The following MAP2 variants were observed in gnomAD, a reference collection of about 807,000 sequenced individuals.
MAP2 encodes microtubule-associated protein 2.
MAP2 carries 14 observed loss-of-function variants against 137.6 expected under a neutral mutation model. The ratio of observed to expected loss-of-function variants is 0.10; its 90% CI spans 0.07 to 0.16. The LOEUF is 0.16. Among genes scored for constraint, MAP2 ranks in the 10% least tolerant of loss-of-function variants. The pLI, the probability that MAP2 is intolerant of heterozygous loss-of-function variation, is 1.00. For synonymous variants in MAP2, 786 were observed against 782.3 expected (o/e 1.00, Z -0.08); for missense variants, 2,088 against 2,191.5 (o/e 0.95, Z 0.94).
At chr2:209,543,278 G>A (rs1185379109) in intron 2 of MAP2, among the ~76,000 whole-genome samples, 1 of 152,196 alleles carries the variant, frequency 6.6e-6, no homozygotes, top group Non-Finnish European at 1.5e-5. Context: ...GGTGCAGTTT[G>A]TGGCATCCCA....
intron 1 of MAP2, among the ~76,000 whole-genome samples, chr2:209,505,614 A>G (rs1478751045): frequency 6.6e-6 from 1 of 152,102 alleles, no homozygotes; most frequent in Non-Finnish European, 1.5e-5. Context: ...CCACTTTAAT[A>G]GTTTTTGTGC....
At chr2:209,651,880 C>T (rs1438262335) in intron 4 of MAP2, among the ~76,000 whole-genome samples, 5 of 152,156 alleles carry the variant, frequency 3.3e-5, no homozygotes, top group Admixed American at 3.3e-4. Context: ...TGTTAGTAAT[C>T]TGATGGGAAA....
At chr2:209,717,869 T>C (rs1414751133) in intron 13 of MAP2, among the ~76,000 whole-genome samples, 1 of 152,180 alleles carries the variant, frequency 6.6e-6, no homozygotes, top group Non-Finnish European at 1.5e-5. Context: ...GTCTTCCCCT[T>C]ATTTAATTTT....
intron 2 of MAP2, among the ~76,000 whole-genome samples, chr2:209,519,615 CAAAG>C (rs1302121343): frequency 1.3e-5 from 2 of 151,934 alleles, no homozygotes; most frequent in Non-Finnish European, 2.9e-5. Flanking sequence ...TCTCAAAGAA[CAAAG>C]AAAGAAATTC....
At chr2:209,675,581 GC>G (rs2050980213) in intron 5 of MAP2, among the ~76,000 whole-genome samples, 1 of 151,666 alleles carries the variant, frequency 6.6e-6, no homozygotes, top group South Asian at 2.1e-4. Context: ...TGTTATTTGG[GC>G]TACACTTGTA....
rs376769791 is a variant in MAP2 at position 209,693,530 on chromosome 2, G to A, written c.1360G>A (p.Glu454Lys). The change falls in exon 8 of 16, where the codon GAA (glutamate) becomes AAA (lysine). Residue 454 changes from glutamate (E) to lysine (K), a missense_variant. Glu to Lys is a moderately conservative substitution (Grantham distance 56). Around this residue, in one of 6 missense-constraint regions of MAP2, gnomAD observed 859 missense variants for 794.5 expected, o/e 1.08. Coordinates refer to ENST00000682079, the MANE Select transcript of MAP2 (RefSeq NM_001375505.1). ...AGAAAAAACCACCATTTCTGACAAA[G>A]AAGCTGTGCCAAAAGAGAGTAAACC... is the stretch of plus-strand genomic sequence containing the variant. ...LEEKTTISDK[E>K]AVPKESKPPK... is the part of the protein sequence containing the mutation. 3.2e-5 allele frequency: 52 copies of A among 1,610,874 alleles called. No homozygotes were observed. Among genetic ancestry groups the A allele is most frequent in the Non-Finnish European group, 4.2e-5 (50 of 1,179,350 alleles).
At chr2:209,618,891 A>G (rs2090335053) in intron 3 of MAP2, among the ~76,000 whole-genome samples, 1 of 152,226 alleles carries the variant, frequency 6.6e-6, no homozygotes, top group Non-Finnish European at 1.5e-5. Flanking sequence ...GTGTCCATCA[A>G]CTGATGAATG....
At chr2:209,528,929 T>TATACATACATATGTACATATAC (rs2064646179) in intron 2 of MAP2, among the ~76,000 whole-genome samples, 1 of 151,626 alleles carries the variant, frequency 6.6e-6, no homozygotes, top group Non-Finnish European at 1.5e-5. Context: ...CATACATATA[T>TATACATACATATGTACATATAC]ATACATACAT....
intron 1 of MAP2, among the ~76,000 whole-genome samples, chr2:209,498,489 T>A (rs1396017896): frequency 6.6e-6 from 1 of 152,238 alleles, no homozygotes. Context: ...GGAGACCAGA[T>A]GTGAGGGTTC....
intron 1 of MAP2, among the ~76,000 whole-genome samples, chr2:209,433,443 C>A (rs1473945696): frequency 6.6e-6 from 1 of 152,070 alleles, no homozygotes; most frequent in African/African-American, 2.4e-5. Context: ...GTAGAGGATA[C>A]TGGGACACTT....
At chr2:209,438,365 T>G (rs1355687961) in intron 1 of MAP2, among the ~76,000 whole-genome samples, 1 of 151,684 alleles carries the variant, frequency 6.6e-6, no homozygotes, top group African/African-American at 2.4e-5. Context: ...GCAGGGTTAT[T>G]TTTTGCATTA....
At chr2:209,524,833 A>T (rs559351840) in intron 2 of MAP2, among the ~76,000 whole-genome samples, 1 of 152,086 alleles carries the variant, frequency 6.6e-6, no homozygotes, top group Non-Finnish European at 1.5e-5. Context: ...AAAAAAGTTA[A>T]TATCAATTTT....
At chr2:209,499,469 C>G (rs532183346) in intron 1 of MAP2, among the ~76,000 whole-genome samples, 20 of 152,302 alleles carry the variant, frequency 1.3e-4, no homozygotes, top group African/African-American at 4.8e-4. Context: ...CTCTTCCAAC[C>G]TCAGCTCATT....
intron 13 of MAP2, among the ~76,000 whole-genome samples, chr2:209,715,637 C>T (rs894584804): frequency 6.6e-5 from 10 of 152,088 alleles, no homozygotes; most frequent in East Asian, 1.9e-4. Context: ...AGGAAAGTCC[C>T]GAGAAGGTGA....
At position 209,696,095 on chromosome 2, in the gene MAP2, G is replaced by A. The variant is rs764541712; in HGVS notation, c.3925G>A (p.Val1309Met). ...TGAAGGGGAGTCAGGGTCCCACAGC[G>A]TGCGTTTTGCAGCCCTAGAGCAGCC... ...TDEGESGSHS[V>M]RFAALEQPEV... The change falls in exon 8 of 16, where the codon GTG (valine) becomes ATG (methionine). Residue 1309 changes from valine (V) to methionine (M), a missense_variant. This residue lies in a region of MAP2 where 591 missense variants were observed against 642.6 expected (regional missense o/e 0.92). Coordinates refer to ENST00000682079, the MANE Select transcript of MAP2 (RefSeq NM_001375505.1). 56 of 1,613,798 alleles carry A rather than the reference G, an allele frequency of 3.5e-5. No individual in the cohort carries two copies. The highest frequency in any genetic ancestry group is 2.9e-4 in the South Asian group (26 of 91,054).
intron 2 of MAP2, among the ~76,000 whole-genome samples, chr2:209,522,915 ACT>A (rs2063487549): frequency 6.6e-6 from 1 of 152,074 alleles, no homozygotes; most frequent in Non-Finnish European, 1.5e-5. Flanking sequence ...TGTAGTTGTG[ACT>A]CTAATAAATT....
At chr2:209,512,554 TATACACACACACAC>T (rs1424468711) in intron 2 of MAP2, among the ~76,000 whole-genome samples, 4 of 113,458 alleles carry the variant, frequency 3.5e-5, no homozygotes, top group Non-Finnish European at 5.3e-5. Flanking sequence ...AGCCAGAAGT[TATACACACACACAC>T]ACACACACAC....
intron 2 of MAP2, among the ~76,000 whole-genome samples, chr2:209,555,371 C>G (rs914370112): frequency 2.0e-5 from 3 of 152,086 alleles, no homozygotes; most frequent in Non-Finnish European, 4.4e-5. Context: ...TTTCCACATT[C>G]CCGGTGGAAT....
chr2:209,730,600 G>A lies in MAP2; in HGVS notation c.*203G>A, dbSNP rs16843614. On this transcript the variant is annotated 3_prime_UTR_variant, in exon 16 of 16. Transcript: ENST00000682079. ...ACCTGATTTCCATTTGCAACAGGAA[G>A]ACACTGGCTTTACATGGGTTCAATT... 57,087 of 566,952 alleles carry A rather than the reference G, an allele frequency of 0.1. 3,845 individuals are homozygous for A. Among genetic ancestry groups the A allele is most frequent in the East Asian group, 0.22 (7,474 of 33,288 alleles). The allele number at this position is 566,952 out of a possible 1,614,324, so 35.1% of individuals were successfully genotyped here.
Sources: gnomAD v4.1 joint callset for allele counts (sites outside exome capture counted in the v4.1 genomes callset) on GRCh38, gnomAD v4.1.1 for gene constraint, gnomAD v4.1.1 regional missense constraint, MANE v1.5 for transcripts, NCBI Gene and HGNC (gene_info 2026-07-23, HGNC 2026-07-21) for gene names.